The following MROH1 variants were observed in gnomAD, a reference collection of about 807,000 sequenced individuals.
The protein encoded by MROH1 is maestro heat-like repeat-containing protein family member 1.
In MROH1, 117 loss-of-function variants were observed where a neutral mutation model predicts 116.5. The observed-to-expected ratio is 1.00, with a 90% confidence interval of 0.86 to 1.17. MROH1 has a LOEUF of 1.17. Among genes scored for constraint, MROH1 ranks in the 50% most tolerant of loss-of-function variants. MROH1 has a pLI of 0.00. For missense variants in MROH1, 1,873 were observed against 1,338.5 expected, an observed-to-expected ratio of 1.40 and a Z score of -6.23; for synonymous variants, 921 against 583.9, an observed-to-expected ratio of 1.58 and a Z score of -8.32.
Position 144,258,889 on chromosome 8 carries a change from G to T in MROH1, c.3904G>T (p.Glu1302Ter). The T allele has an allele frequency of 1.3e-6, 1 of 761,324 alleles. No individual in the cohort carries two copies. Among genetic ancestry groups the T allele is most frequent in the East Asian group, 2.5e-5 (1 of 40,424 alleles). The allele number at this position is 761,324 out of a possible 1,614,324, so 47.2% of individuals were successfully genotyped here. Residue 1302 changes from glutamate (E) to a stop codon, truncating the protein, a stop_gained, in exon 36 of 44, where the codon GAG becomes TAG. Transcript: ENST00000326134. LOFTEE classifies it high-confidence loss of function. ...WELLRTSAGH[E>*]EGATRLARAM... is the part of the protein sequence containing the mutation. ...ACTGCTCAGGACCTCGGCGGGGCAT[G>T]AGGAGGGGGCCACCAGGTTGGCCAG...
At chr8:144,260,415 C>A (rs781814687) in intron 39 of MROH1, 41 bp downstream of exon 39, 15,586 of 702,638 alleles carry the variant, frequency 0.022, 282 homozygotes, top group Admixed American at 0.043. Flanking sequence ...GGGCCCCAGC[C>A]CTTCCTGCCT....
intron 8 of MROH1, among the ~76,000 whole-genome samples, 183 bp downstream of exon 8, chr8:144,191,118 G>A (rs951366159): frequency 1.3e-5 from 2 of 152,136 alleles, no homozygotes; most frequent in African/African-American, 4.8e-5. Context: ...CACCCAGGCT[G>A]GAGTGCAGTG....
rs1266456004 is a variant in MROH1 at position 144,191,934 on chromosome 8, G to A, written c.855+79G>A. 8 of 1,542,530 alleles carry A rather than the reference G, an allele frequency of 5.2e-6. No individual in the cohort carries two copies. The Admixed American group carries it at 1.4e-4, about 27-fold the overall frequency. On this transcript the variant is annotated intron_variant, in intron 9 of 43. Transcript: ENST00000326134. ...CCCCGGGGGTGGCCGTGAGTCCTCG[G>A]CTAGGGCTCAGTGGTGGGTGGGGGT...
In MROH1 at chr8:144,227,173, A is replaced by G. The variant is rs140092406; in HGVS notation, c.1338+3943A>G. The stretch of plus-strand genomic sequence containing the variant: ...TTTGGGATTTTCTACATAGAGCATC[A>G]TGTCTTCTTCATATAGGCACTTTTA... On this transcript the variant is annotated intron_variant, in intron 14 of 43. Coordinates refer to ENST00000326134, the MANE Select transcript of MROH1 (RefSeq NM_032450.3). Among the ~76,000 whole-genome samples, 600 of 152,314 alleles carry G rather than the reference A, an allele frequency of 3.9e-3. 2 individuals carry two copies. The highest frequency in any genetic ancestry group is 0.014 in the African/African-American group (574 of 41,558).
intron 33 of MROH1, among the ~76,000 whole-genome samples, chr8:144,253,894 G>A (rs1363953267): frequency 6.6e-6 from 1 of 151,994 alleles, no homozygotes; most frequent in Non-Finnish European, 1.5e-5. Context: ...CATCTGTCCA[G>A]GAAGCCACTG....
intron 14 of MROH1, among the ~76,000 whole-genome samples, chr8:144,224,539 T>A (rs1362597053): frequency 6.6e-6 from 1 of 152,206 alleles, no homozygotes; most frequent in African/African-American, 2.4e-5. Flanking sequence ...GTGCTAGGAT[T>A]ACCGGTGTGT....
At chr8:144,239,252 C>T (rs1315305456) in intron 16 of MROH1, 71 bp from the exon 17 acceptor site, 4 of 773,404 alleles carry the variant, frequency 5.2e-6, no homozygotes, top group Non-Finnish European at 4.8e-6. Context: ...CTTCCCCATC[C>T]TCCAGTTCCT....
chr8:144,219,020 T>C (rs1836138923), intron 12 of MROH1, among the ~76,000 whole-genome samples: 1 of 142,320 alleles, frequency 7.0e-6, no homozygotes, highest in African/African-American at 2.6e-5. Flanking sequence ...TTTTTTTTTG[T>C]TGTTGTTGTT....
At chr8:144,255,184 G>A (rs899611888) in intron 34 of MROH1, among the ~76,000 whole-genome samples, 3 of 121,294 alleles carry the variant, frequency 2.5e-5, no homozygotes, top group Non-Finnish European at 3.8e-5. Flanking sequence ...TTTATCCTGC[G>A]GAAAAAAAAT....
chr8:144,244,546 A>G lies in MROH1; in HGVS notation c.2766+7A>G. 1.3e-6 allele frequency: 1 copy of G among 752,614 alleles called. No individual in the cohort carries two copies. The highest frequency in any genetic ancestry group is 2.5e-6 in the Non-Finnish European group (1 of 403,816). 46.6% of individuals were successfully genotyped at this position (752,614 alleles called of 1,614,324 possible). ...CCTGCAGATCATGATTGAGGTGTGC[A>G]GGGGGGAACTGTCATGGGGATGGGG... On this transcript the variant is annotated splice_region_variant and intron_variant, in intron 28 of 43. Transcript: ENST00000326134.
At chr8:144,224,113 G>A (rs1463221893) in intron 14 of MROH1, among the ~76,000 whole-genome samples, 1 of 152,174 alleles carries the variant, frequency 6.6e-6, no homozygotes, top group Non-Finnish European at 1.5e-5. Flanking sequence ...GAACTGGAGA[G>A]CCAAGGCCTC....
intron 12 of MROH1, chr8:144,200,807 C>G: frequency 2.3e-6 from 1 of 444,058 alleles, no homozygotes; most frequent in Non-Finnish European, 4.2e-6. Flanking sequence ...CCCCAGGTGA[C>G]CATGCCTCTG....
At chr8:144,213,339 A>C in intron 12 of MROH1, 1 of 427,274 alleles carries the variant, frequency 2.3e-6, no homozygotes, top group African/African-American at 2.0e-5. Context: ...TGTGCCTTTT[A>C]TCGTTGATGG....
intron 14 of MROH1, among the ~76,000 whole-genome samples, chr8:144,231,191 G>A (rs1554822751): frequency 6.6e-6 from 1 of 151,038 alleles, no homozygotes; most frequent in Non-Finnish European, 1.5e-5. Flanking sequence ...AAAATGAAAA[G>A]TCTCCCATGT....
At chr8:144,256,402 C>T (rs1167467539) in intron 35 of MROH1, among the ~76,000 whole-genome samples, 2 of 133,686 alleles carry the variant, frequency 1.5e-5, no homozygotes, top group Non-Finnish European at 3.4e-5. Context: ...CAGCCCCTCC[C>T]CCTGCCCCCC....
chr8:144,206,916 C>T (rs1280681892), intron 12 of MROH1, among the ~76,000 whole-genome samples: 1 of 151,334 alleles, frequency 6.6e-6, no homozygotes, highest in East Asian at 2.0e-4. Context: ...GCCTGTAGTT[C>T]CAGCTACTCT....
At chr8:144,243,763 C>T (rs1841408571) in intron 25 of MROH1, 100 bp from the exon 26 acceptor site, 1 of 739,864 alleles carries the variant, frequency 1.4e-6, no homozygotes. Context: ...GGCTCTGCTC[C>T]TCGGGCCCCG....
intron 14 of MROH1, among the ~76,000 whole-genome samples, chr8:144,227,439 G>A (rs1838018489): frequency 6.6e-6 from 1 of 151,712 alleles, no homozygotes; most frequent in African/African-American, 2.4e-5. Flanking sequence ...GAGTTCAGGA[G>A]TTCAAAACCA....
chr8:144,260,206 G>A lies in MROH1; in HGVS notation c.4212G>A (p.Gln1404=). The A allele has an allele frequency of 1.3e-6, 1 of 765,414 alleles. No individual in the cohort carries two copies. The highest frequency in any genetic ancestry group is 2.4e-6 in the Non-Finnish European group (1 of 417,594). The allele number at this position is 765,414 out of a possible 1,614,324, so 47.4% of individuals were successfully genotyped here. ...CTCAGGTGCGAACCCACGGCCCCCA[G>A]CTCCTCACAGCCATGATTGGCGGGC... ...CPDKVRTHGP[Q]LLTAMIGGLD... Residue 1404 remains glutamine, a synonymous_variant, in exon 39 of 44, where the codon CAG becomes CAA. Coordinates refer to ENST00000326134, the MANE Select transcript of MROH1 (RefSeq NM_032450.3).
Sources: gnomAD v4.1 joint callset for allele counts (sites outside exome capture counted in the v4.1 genomes callset) on GRCh38, gnomAD v4.1.1 for gene constraint, MANE v1.5 for transcripts, NCBI Gene and HGNC (gene_info 2026-07-23, HGNC 2026-07-21) for gene names.